The following AEBP2 variants were observed in gnomAD, a reference collection of about 807,000 sequenced individuals.
AEBP2 encodes the protein zinc finger protein AEBP2.
Under a neutral mutation model 50.8 loss-of-function variants are expected in AEBP2, and 10 were observed. The observed-to-expected ratio is 0.20, with a 90% CI of 0.12 to 0.33. AEBP2 has a LOEUF of 0.33. Ranked by LOEUF, AEBP2 falls within the 10% of genes least tolerant of loss-of-function variation. AEBP2 has a pLI of 1.00. For missense variants in AEBP2, 570 were observed against 688.0 expected (o/e 0.83, Z 1.92); for synonymous variants, 296 against 261.3 (o/e 1.13, Z -1.28).
At chr12:19,471,783 G>T (rs568348673) in intron 2 of AEBP2, among the ~76,000 whole-genome samples, 1 of 151,948 alleles carries the variant, frequency 6.6e-6, no homozygotes, top group Admixed American at 6.6e-5. Context: ...CCCCTACCTC[G>T]GTCTCCCAAA....
intron 1 of AEBP2, among the ~76,000 whole-genome samples, chr12:19,460,215 C>A (rs373553919): frequency 1.2e-4 from 19 of 152,194 alleles, no homozygotes; most frequent in South Asian, 6.2e-4. Context: ...GTCTTAACAT[C>A]CCCCCACCCC....
intron 3 of AEBP2, among the ~76,000 whole-genome samples, chr12:19,491,061 A>G (rs1368359368): frequency 3.3e-5 from 5 of 152,238 alleles, no homozygotes; most frequent in Admixed American, 2.6e-4. Context: ...TAAAGTGTTG[A>G]GTAGCAATAT....
rs1417115892 is a variant in AEBP2, at chr12:19,511,197, T to C, written c.1300-1201T>C. 2.0e-5 allele frequency among the ~76,000 whole-genome samples: 3 copies of C among 152,236 alleles called. No individual in the cohort carries two copies. In the East Asian group the frequency reaches 5.8e-4, roughly 29 times the overall value. On this transcript the variant is annotated intron_variant, in intron 5 of 7. Coordinates refer to ENST00000266508, the MANE Select transcript of AEBP2 (RefSeq NM_153207.5). ...TTTTCATATAAATAAGTCTTTAGTT[T>C]TAGTAGAGTGGGATTTGTTTTGTTT...
intron 7 of AEBP2, among the ~76,000 whole-genome samples, chr12:19,516,526 GGAA>G (rs1332732437): frequency 1.3e-5 from 2 of 152,038 alleles, no homozygotes; most frequent in Non-Finnish European, 2.9e-5. Flanking sequence ...ATGCCATATA[GGAA>G]GCAATTTAGA....
At chr12:19,502,542 C>G (rs1470502226) in intron 5 of AEBP2, among the ~76,000 whole-genome samples, 2 of 152,102 alleles carry the variant, frequency 1.3e-5, no homozygotes, top group Admixed American at 1.3e-4. Flanking sequence ...TTAGGGAGTC[C>G]TTTCCTCACC....
intron 1 of AEBP2, among the ~76,000 whole-genome samples, chr12:19,410,082 T>C (rs1592700935): frequency 1.3e-5 from 2 of 152,160 alleles, no homozygotes; most frequent in South Asian, 2.1e-4. Flanking sequence ...AAACAGAACA[T>C]GTAGGGCTTC....
rs1949294167 is a variant in AEBP2 at position 19,514,754 on chromosome 12, C to G, written c.1451C>G (p.Thr484Ser). The G allele has an allele frequency of 6.2e-7, 1 of 1,611,638 alleles. No homozygotes were observed. The highest frequency in any genetic ancestry group is 8.5e-7 in the Non-Finnish European group (1 of 1,178,950). ...VVHLSKLPKD[T>S]ALLLDPNIYR... ...CATTTATCAAAGCTACCCAAAGATA[C>G]TGCCTTGCTTTTGGACCCAAACATA... The change falls in exon 7 of 8, where the codon ACT becomes AGT. Residue 484 changes from threonine (T) to serine (S), a missense_variant. Thr to Ser is a moderately conservative substitution (Grantham distance 58). This residue lies in a region of AEBP2 where 184 missense variants were observed against 351.2 expected (regional missense o/e 0.52). Coordinates refer to ENST00000266508, the MANE Select transcript of AEBP2 (RefSeq NM_153207.5).
intron 1 of AEBP2, among the ~76,000 whole-genome samples, chr12:19,441,268 A>C (rs1443835496): frequency 6.6e-6 from 1 of 152,066 alleles, no homozygotes; most frequent in Non-Finnish European, 1.5e-5. Context: ...AAAAATGCGC[A>C]TTTTTTCAGA....
At chr12:19,438,607 G>C (rs898343723), upstream of AEBP2, among the ~76,000 whole-genome samples, 1 of 152,082 alleles carries the variant, frequency 6.6e-6, no homozygotes, top group Non-Finnish European at 1.5e-5. Flanking sequence ...TGTTTTGATC[G>C]GTTGAAATAA....
intron 5 of AEBP2, among the ~76,000 whole-genome samples, chr12:19,504,058 T>C (rs1221908217): frequency 6.6e-6 from 1 of 152,170 alleles, no homozygotes; most frequent in Non-Finnish European, 1.5e-5. Context: ...GTCTTGTTTA[T>C]GGACTAAATT....
intron 1 of AEBP2, among the ~76,000 whole-genome samples, chr12:19,449,316 G>C (rs986589368): frequency 6.6e-6 from 1 of 152,236 alleles, no homozygotes; most frequent in East Asian, 1.9e-4. Flanking sequence ...GGAAATGTTT[G>C]TGAAAAGGTA....
chr12:19,430,514 A>C (rs1381197108), intron 1 of AEBP2, among the ~76,000 whole-genome samples: 1 of 152,170 alleles, frequency 6.6e-6, no homozygotes, highest in African/African-American at 2.4e-5. Flanking sequence ...TCTATGAAGA[A>C]AGTCATTGGT....
At chr12:19,467,374 A>G (rs1027616019) in intron 2 of AEBP2, among the ~76,000 whole-genome samples, 5 of 152,010 alleles carry the variant, frequency 3.3e-5, no homozygotes, top group Non-Finnish European at 5.9e-5. Flanking sequence ...ACTCACTGCA[A>G]CCTCCACCTC....
chr12:19,439,993 C>CGAG lies in AEBP2; in HGVS notation c.303_305dup (p.Glu101dup). 7 of 1,520,542 alleles carry CGAG rather than the reference C, an allele frequency of 4.6e-6. No homozygotes were observed. The highest frequency in any genetic ancestry group is 6.1e-6 in the Non-Finnish European group (7 of 1,140,504). 94.2% of individuals were successfully genotyped at this position (1,520,542 alleles called of 1,614,324 possible). A position where few individuals can be genotyped will look rare whatever the true frequency, so the allele number is the denominator to read the frequency against. On this transcript the variant is annotated inframe_insertion, in exon 1 of 8. Transcript: ENST00000266508. ...CCAGCCAGGCCGGGGAGGACGAAGA[C>CGAG]GAGGAGGAGGACGACGAGGAGGAGG...
chr12:19,490,189 G>A (rs946373099), intron 3 of AEBP2, among the ~76,000 whole-genome samples: 3 of 151,294 alleles, frequency 2.0e-5, no homozygotes, highest in Non-Finnish European at 1.5e-5. Context: ...ATGCTACTAG[G>A]GCCTATTCTT....
chr12:19,503,328 G>GGTGTGT (rs374431120), intron 5 of AEBP2, among the ~76,000 whole-genome samples: 1 of 145,556 alleles, frequency 6.9e-6, no homozygotes, highest in Non-Finnish European at 1.5e-5. Context: ...TGTATTCCTT[G>GGTGTGT]GTGTGTGTGT....
chr12:19,503,238 A>AT (rs1003231492), intron 5 of AEBP2, among the ~76,000 whole-genome samples: 8 of 151,756 alleles, frequency 5.3e-5, no homozygotes, highest in South Asian at 2.1e-4. Flanking sequence ...ATATTTTTCT[A>AT]TTTTTTTGTG....
rs1395528282 is a variant in AEBP2, at chr12:19,479,748, T to A, written c.987+6393T>A. On this transcript the variant is annotated intron_variant, in intron 3 of 7. Coordinates refer to ENST00000266508, the MANE Select transcript of AEBP2 (RefSeq NM_153207.5). ...TTTTTTTTTTTTTTTTTTTTTTTTT[T>A]ACTATTGTTGCTTTAAAGTCTGTTA... 4.4e-5 allele frequency among the ~76,000 whole-genome samples: 5 copies of A among 114,276 alleles called. No individual in the cohort carries two copies. The South Asian group carries it at 1.2e-3, about 27-fold the overall frequency. 75.0% of individuals were successfully genotyped at this position (114,276 alleles called of 152,430 possible).
intron 4 of AEBP2, among the ~76,000 whole-genome samples, chr12:19,498,893 C>A (rs1024050468): frequency 3.3e-5 from 5 of 151,978 alleles, no homozygotes; most frequent in Admixed American, 2.6e-4. Context: ...TGCCTATAGT[C>A]CTAGCTACTC....
Sources: gnomAD v4.1 joint callset for allele counts (sites outside exome capture counted in the v4.1 genomes callset) on GRCh38, gnomAD v4.1.1 for gene constraint, gnomAD v4.1.1 regional missense constraint, MANE v1.5 for transcripts, NCBI Gene and HGNC (gene_info 2026-07-23, HGNC 2026-07-21) for gene names.